Variants in LIX1 observed in about 807,000 individuals in gnomAD.
LIX1 encodes limb and CNS expressed 1.
In LIX1, 24 loss-of-function variants were observed where a neutral mutation model predicts 33.4. The ratio of observed to expected loss-of-function variants is 0.72; its 90% CI spans 0.52 to 1.01. The LOEUF is 1.01. Ranked by LOEUF, LIX1 falls within the 50% of genes least tolerant of loss-of-function variation. LIX1 has a pLI of 0.00. For synonymous variants in LIX1, 124 were observed against 124.0 expected (o/e 1.00, Z 0.00); for missense variants, 311 against 339.2 (o/e 0.92, Z 0.65).
chr5:97,135,544 C>T (rs573502267), intron 1 of LIX1, among the ~76,000 whole-genome samples: 6 of 152,256 alleles, frequency 3.9e-5, no homozygotes, highest in East Asian at 1.9e-4. Flanking sequence ...TTAGGCCAGG[C>T]GCAGTGGCTC....
At chr5:97,118,105 G>A (rs1347568357) in intron 2 of LIX1, among the ~76,000 whole-genome samples, 1 of 152,126 alleles carries the variant, frequency 6.6e-6, no homozygotes, top group Non-Finnish European at 1.5e-5. Context: ...ATAATGCCCC[G>A]ATGAGTGAGT....
At chr5:97,112,594 A>G (rs141307246) in intron 2 of LIX1, among the ~76,000 whole-genome samples, 108 of 152,274 alleles carry the variant, frequency 7.1e-4, no homozygotes, top group African/African-American at 2.6e-3. Flanking sequence ...GCACTTTGCG[A>G]AAGTGCAGAG....
chr5:97,115,653 G>A (rs1747615481), intron 2 of LIX1, among the ~76,000 whole-genome samples: 1 of 151,864 alleles, frequency 6.6e-6, no homozygotes. Flanking sequence ...GGAGAAAAAT[G>A]GTCTCCAGAT....
chr5:97,123,655 C>T (rs1747840504), intron 2 of LIX1, among the ~76,000 whole-genome samples: 1 of 152,208 alleles, frequency 6.6e-6, no homozygotes, highest in South Asian at 2.1e-4. Flanking sequence ...GCTCAGAATC[C>T]TTCAAAGGTT....
At chr5:97,141,254 GGAGA>G (rs1159702573) in intron 1 of LIX1, among the ~76,000 whole-genome samples, 1 of 152,068 alleles carries the variant, frequency 6.6e-6, no homozygotes, top group African/African-American at 2.4e-5. Flanking sequence ...TTCTATTGTA[GGAGA>G]GAGACATTCT....
Position 97,094,717 on chromosome 5 carries a change from C to T in LIX1, c.*31G>A, listed in dbSNP as rs1746255857. On this transcript the variant is annotated 3_prime_UTR_variant, in exon 6 of 6. Coordinates refer to ENST00000274382, the MANE Select transcript of LIX1 (RefSeq NM_153234.5). Reference sequence around the variant, plus strand: ...TTCCTAATGTTAATCTGGCCTCTGCCATCACTGAGGGTACCCGGGGCTTGG... The same window carrying T: ...TTCCTAATGTTAATCTGGCCTCTGCTATCACTGAGGGTACCCGGGGCTTGG... 4.4e-6 allele frequency: 7 copies of T among 1,602,896 alleles called. No homozygotes were observed. The highest frequency in any genetic ancestry group is 6.0e-6 in the Non-Finnish European group (7 of 1,172,948).
chr5:97,107,347 G>T lies in LIX1; in HGVS notation c.387+13C>A. 6.2e-7 allele frequency: 1 copy of T among 1,611,026 alleles called. No individual in the cohort carries two copies. Among genetic ancestry groups the T allele is most frequent in the Non-Finnish European group, 8.5e-7 (1 of 1,179,272 alleles). On this transcript the variant is annotated intron_variant, in intron 3 of 5. Coordinates refer to ENST00000274382, the MANE Select transcript of LIX1 (RefSeq NM_153234.5). ...AGTGCAGCCATCTCCTGCCCTCCATGGTGGGTACTCACGCTGGTGGAGGCT... is the reference window on the plus strand; with the variant it reads ...AGTGCAGCCATCTCCTGCCCTCCATTGTGGGTACTCACGCTGGTGGAGGCT...
chr5:97,124,599 C>T lies in LIX1; in HGVS notation c.113G>A (p.Trp38Ter), dbSNP rs377066808. The T allele has an allele frequency of 1.1e-5, 17 of 1,609,896 alleles. No homozygotes were observed. The African/African-American group carries it at 2.3e-4, about 22-fold the overall frequency. ...AGCCTTCTGCTGCTGCTTGCTTTCC[C>T]AAAATTCCTGTAACATTGACACAAC... ...LNVVSMLQEFWESKQQQKAAF... is the reference protein window; with the variant it reads ...LNVVSMLQEF Residue 38 changes from tryptophan to a stop codon, truncating the protein, a stop_gained, in exon 2 of 6, where the codon TGG becomes TAG. Coordinates refer to ENST00000274382, the MANE Select transcript of LIX1 (RefSeq NM_153234.5). LOFTEE classifies it high-confidence loss of function.
At chr5:97,123,501 C>T (rs555881881) in intron 2 of LIX1, among the ~76,000 whole-genome samples, 2 of 152,188 alleles carry the variant, frequency 1.3e-5, no homozygotes, top group Non-Finnish European at 2.9e-5. Flanking sequence ...CCTTTAGCTC[C>T]TGAACATACT....
At chr5:97,130,273 C>T (rs1267641702) in intron 1 of LIX1, among the ~76,000 whole-genome samples, 5 of 152,238 alleles carry the variant, frequency 3.3e-5, no homozygotes, top group African/African-American at 7.2e-5. Context: ...AGGTCTCTGC[C>T]TCGTTGTGCC....
chr5:97,112,734 T>G (rs991404430), intron 2 of LIX1, among the ~76,000 whole-genome samples: 5 of 151,700 alleles, frequency 3.3e-5, no homozygotes, highest in African/African-American at 1.2e-4. Flanking sequence ...GCCTTTCATT[T>G]GCTGGTAGAT....
At chr5:97,097,911 C>T (rs899142035) in intron 4 of LIX1, among the ~76,000 whole-genome samples, 1 of 152,072 alleles carries the variant, frequency 6.6e-6, no homozygotes, top group Admixed American at 6.6e-5. Flanking sequence ...TAAAGAAGTC[C>T]CCTCTGCTTT....
chr5:97,105,223 C>T lies in LIX1; in HGVS notation c.450G>A (p.Glu150=), dbSNP rs1156515800. The T allele has an allele frequency of 6.2e-7, 1 of 1,614,150 alleles. No individual in the cohort carries two copies. Among genetic ancestry groups the T allele is most frequent in the East Asian group, 2.2e-5 (1 of 44,882 alleles). Residue 150 remains glutamate, a synonymous_variant, in exon 4 of 6, where the codon GAG becomes GAA. Coordinates refer to ENST00000274382, the MANE Select transcript of LIX1 (RefSeq NM_153234.5). ...TSVGAYHYML[E]SNMGKTMLEF... ...CCAGCATAGTCTTCCCCATGTTTGA[C>T]TCCAGCATGTAGTGATAGGCCCCAA...
chr5:97,141,517 C>T (rs1250307699), intron 1 of LIX1, among the ~76,000 whole-genome samples: 1 of 152,184 alleles, frequency 6.6e-6, no homozygotes, highest in Non-Finnish European at 1.5e-5. Context: ...CTTCAACATA[C>T]ATATGAGAAA....
chr5:97,096,259 T>C (rs1004032738), intron 5 of LIX1, among the ~76,000 whole-genome samples: 39 of 152,024 alleles, frequency 2.6e-4, no homozygotes, highest in African/African-American at 9.4e-4. Context: ...AACAAAGAAA[T>C]AGTGAGACCG....
At chr5:97,140,148 C>A (rs977807075) in intron 1 of LIX1, among the ~76,000 whole-genome samples, 1 of 151,980 alleles carries the variant, frequency 6.6e-6, no homozygotes. Context: ...TATGTATAAC[C>A]AAAGAGTGAA....
At chr5:97,128,963 A>T (rs1280361083) in intron 1 of LIX1, among the ~76,000 whole-genome samples, 1 of 152,168 alleles carries the variant, frequency 6.6e-6, no homozygotes, top group Non-Finnish European at 1.5e-5. Context: ...AGCCGATCAA[A>T]TCACTCACAT....
At chr5:97,099,840 AAAG>A (rs1293706205) in intron 4 of LIX1, among the ~76,000 whole-genome samples, 1 of 152,162 alleles carries the variant, frequency 6.6e-6, no homozygotes, top group African/African-American at 2.4e-5. Context: ...CCATCACAAA[AAAG>A]AAAATAAATA....
At chr5:97,136,213 C>T (rs1697073272) in intron 1 of LIX1, among the ~76,000 whole-genome samples, 1 of 152,190 alleles carries the variant, frequency 6.6e-6, no homozygotes, top group African/African-American at 2.4e-5. Flanking sequence ...TAGGGCCAAC[C>T]CAAGGCAGAG....
Sources: allele counts gnomAD v4.1 joint callset (sites outside exome capture counted in the v4.1 genomes callset), GRCh38; gene constraint gnomAD v4.1.1; transcripts MANE v1.5; gene names NCBI Gene and HGNC (gene_info 2026-07-23, HGNC 2026-07-21).